SLC23A2: variants seen among roughly 807,000 people sequenced by gnomAD.
SLC23A2 encodes solute carrier family 23 member 2, also known as Na(+)/L-ascorbic acid transporter 2.
SLC23A2 carries 36 observed loss-of-function variants against 73.3 expected under a neutral mutation model. That is an observed-to-expected ratio of 0.49 (90% CI 0.38 to 0.65). SLC23A2 has a LOEUF of 0.65. Ranked by LOEUF, SLC23A2 falls within the 30% of genes least tolerant of loss-of-function variation. The pLI, the probability that SLC23A2 is intolerant of heterozygous loss-of-function variation, is 0.00. For synonymous variants in SLC23A2, 343 were observed against 327.3 expected (o/e 1.05, Z -0.52); for missense variants, 507 against 841.6 (o/e 0.60, Z 4.92).
chr20:4,867,928 C>T (rs1930270173), intron 12 of SLC23A2, 53 bp from the exon 13 acceptor site: 1 of 1,057,826 alleles, frequency 9.5e-7, no homozygotes, highest in Non-Finnish European at 1.5e-6. Flanking sequence ...ATAATGCATT[C>T]ACTCTGAAAT....
At chr20:4,945,147 G>A (rs1230768994) in intron 2 of SLC23A2, among the ~76,000 whole-genome samples, 1 of 152,032 alleles carries the variant, frequency 6.6e-6, no homozygotes, top group South Asian at 2.1e-4. Context: ...TCCATTTAAA[G>A]CTCCAAGCAG....
intron 5 of SLC23A2, among the ~76,000 whole-genome samples, chr20:4,900,002 C>T (rs1931686760): frequency 6.6e-6 from 1 of 152,168 alleles, no homozygotes; most frequent in African/African-American, 2.4e-5. Flanking sequence ...TCCCAAATAG[C>T]TGGGATTACA....
At chr20:4,946,928 C>T (rs1647817510) in intron 2 of SLC23A2, among the ~76,000 whole-genome samples, 2 of 152,206 alleles carry the variant, frequency 1.3e-5, no homozygotes, top group Admixed American at 1.3e-4. Context: ...ACAGCGCCTA[C>T]TGTACCTGGT....
intron 1 of SLC23A2, among the ~76,000 whole-genome samples, chr20:4,986,604 G>A (rs1192369913): frequency 2.7e-5 from 4 of 150,878 alleles, no homozygotes; most frequent in African/African-American, 7.3e-5. Flanking sequence ...ATGAGTCACC[G>A]CGCCTGGCCT....
intron 6 of SLC23A2, among the ~76,000 whole-genome samples, chr20:4,893,905 C>T (rs1931424225): frequency 6.6e-6 from 1 of 152,106 alleles, no homozygotes; most frequent in East Asian, 1.9e-4. Flanking sequence ...CTCCCACCAG[C>T]CTGCGGGAAA....
Position 4,854,025 on chromosome 20 carries a change from G to A in SLC23A2, c.*2947C>T, listed in dbSNP as rs1321084749. The A allele has an allele frequency of 2.0e-5, 3 of 152,178 alleles. No homozygotes were observed. The highest frequency in any genetic ancestry group is 2.9e-5 in the Non-Finnish European group (2 of 68,030). 9.4% of individuals were successfully genotyped at this position (152,178 alleles called of 1,614,324 possible). On this transcript the variant is annotated 3_prime_UTR_variant, in exon 17 of 17. Coordinates refer to ENST00000338244, the MANE Select transcript of SLC23A2 (RefSeq NM_005116.6). The stretch of plus-strand genomic sequence containing the variant: ...ATTCACGCTGTCTACATTTCATGTT[G>A]GGATTGCCCACACAAATGCTTTCTT...
chr20:4,941,515 C>CA (rs2087040929), intron 2 of SLC23A2, among the ~76,000 whole-genome samples: 1 of 151,916 alleles, frequency 6.6e-6, no homozygotes, highest in Non-Finnish European at 1.5e-5. Flanking sequence ...CCAGCCTGGC[C>CA]AACATGGTGA....
In SLC23A2 at chr20:4,912,918, T is replaced by C; in HGVS notation, c.169A>G (p.Met57Val). ...CCGTTTTCCGTAGTGTAGATCGCCA[T>C]GAGCTCAGTGTCCTCATTGTCCTGC... ...GEQDNEDTEL[M>V]AIYTTENGIA... Residue 57 changes from methionine to valine, a missense_variant, in exon 4 of 17, where the codon ATG (methionine) becomes GTG (valine). Coordinates refer to ENST00000338244, the MANE Select transcript of SLC23A2 (RefSeq NM_005116.6). 1.2e-6 allele frequency: 2 copies of C among 1,605,890 alleles called. No individual in the cohort carries two copies. The highest frequency in any genetic ancestry group is 1.7e-6 in the Non-Finnish European group (2 of 1,175,250).
intron 9 of SLC23A2, among the ~76,000 whole-genome samples, chr20:4,875,793 C>T (rs1176712592): frequency 6.6e-6 from 1 of 152,214 alleles, no homozygotes; most frequent in Non-Finnish European, 1.5e-5. Flanking sequence ...CTCGCTCTTT[C>T]ACTTACAACC....
chr20:4,892,150 C>T (rs555497207), intron 6 of SLC23A2, among the ~76,000 whole-genome samples: 6 of 152,236 alleles, frequency 3.9e-5, no homozygotes, highest in South Asian at 2.1e-4. Context: ...AAAGGGAGCC[C>T]AGCCGCCTCT....
At chr20:4,878,377 A>C (rs896321106) in intron 9 of SLC23A2, among the ~76,000 whole-genome samples, 10 of 152,004 alleles carry the variant, frequency 6.6e-5, no homozygotes, top group African/African-American at 2.4e-4. Flanking sequence ...ATAGGGATGG[A>C]GTTTCACCAT....
chr20:4,949,959 C>T (rs1715394), intron 2 of SLC23A2, among the ~76,000 whole-genome samples: 2,640 of 152,276 alleles, frequency 0.017, 31 homozygotes, highest in Middle Eastern at 0.051. Context: ...CAGCATGAGA[C>T]GCTCTCAGGT....
At chr20:4,967,088 G>A (rs1002067914) in intron 2 of SLC23A2, among the ~76,000 whole-genome samples, 3 of 151,712 alleles carry the variant, frequency 2.0e-5, no homozygotes, top group Non-Finnish European at 4.4e-5. Flanking sequence ...GGAGGCAGGG[G>A]CTCTTTGAGG....
At chr20:4,967,139 G>A (rs1164413249) in intron 2 of SLC23A2, among the ~76,000 whole-genome samples, 2 of 152,030 alleles carry the variant, frequency 1.3e-5, no homozygotes, top group African/African-American at 4.8e-5. Flanking sequence ...TAAACACAGG[G>A]CCCATCCAAA....
At chr20:4,922,617 A>T (rs1224501219) in intron 3 of SLC23A2, among the ~76,000 whole-genome samples, 1 of 152,134 alleles carries the variant, frequency 6.6e-6, no homozygotes, top group Non-Finnish European at 1.5e-5. Flanking sequence ...ACTTGAGGTC[A>T]GAAGTTTGAG....
intron 2 of SLC23A2, among the ~76,000 whole-genome samples, chr20:4,959,369 T>C (rs1012735150): frequency 1.3e-5 from 2 of 152,236 alleles, no homozygotes; most frequent in Non-Finnish European, 2.9e-5. Flanking sequence ...CATTTGGTCA[T>C]TTCTTATCAA....
chr20:4,917,028 C>G (rs2122904866), intron 3 of SLC23A2, among the ~76,000 whole-genome samples: 1 of 152,278 alleles, frequency 6.6e-6, no homozygotes, highest in African/African-American at 2.4e-5. Flanking sequence ...AAAAAAAGCT[C>G]ACATATTCAT....
intron 5 of SLC23A2, among the ~76,000 whole-genome samples, chr20:4,900,988 T>C (rs1311735291): frequency 2.0e-5 from 3 of 152,136 alleles, no homozygotes; most frequent in African/African-American, 7.2e-5. Context: ...TGCTCACAAC[T>C]TTATGTACTC....
rs894611385 is a variant in SLC23A2 at position 4,947,508 on chromosome 20, T to C, written c.-154-14792A>G. Among the ~76,000 whole-genome samples the C allele has an allele frequency of 2.0e-5, 3 of 152,202 alleles. No homozygotes were observed. Among genetic ancestry groups the C allele is most frequent in the Admixed American group, 6.5e-5 (1 of 15,280 alleles). On this transcript the variant is annotated intron_variant, in intron 2 of 16. Transcript: ENST00000338244. The surrounding 1 kb of genome is among the most constrained non-coding windows in gnomAD (Gnocchi z 4.4). Reference sequence around the variant, plus strand: ...ATCACAGGAGCCACTGAAAAGCTAATTTTATATGGAATTTTAACAACAAGA... The same window carrying C: ...ATCACAGGAGCCACTGAAAAGCTAACTTTATATGGAATTTTAACAACAAGA...
Sources: gnomAD v4.1 joint callset for allele counts (sites outside exome capture counted in the v4.1 genomes callset) on GRCh38, gnomAD v4.1.1 for gene constraint, Gnocchi (gnomAD v3.1) non-coding constraint, MANE v1.5 for transcripts, NCBI Gene and HGNC (gene_info 2026-07-23, HGNC 2026-07-21) for gene names.